THSD7B: variants seen among roughly 807,000 people sequenced by gnomAD.
THSD7B encodes the protein thrombospondin type-1 domain-containing protein 7B.
THSD7B carries 138 observed loss-of-function variants against 213.6 expected under a neutral mutation model. The ratio of observed to expected loss-of-function variants is 0.65; its 90% CI spans 0.56 to 0.74. The LOEUF is 0.74. Ranked by LOEUF, THSD7B falls within the 30% of genes least tolerant of loss-of-function variation. THSD7B has a pLI of 0.00. For synonymous variants in THSD7B, 742 were observed against 687.0 expected, an observed-to-expected ratio of 1.08 and a Z score of -1.25; for missense variants, 1,931 against 1,991.5, an observed-to-expected ratio of 0.97 and a Z score of 0.58.
intron 7 of THSD7B, among the ~76,000 whole-genome samples, chr2:137,181,764 C>T (rs557317709): frequency 1.3e-5 from 2 of 152,176 alleles, no homozygotes; most frequent in South Asian, 4.1e-4. Context: ...AGTCATGTCC[C>T]CTCATCATCA....
At chr2:136,961,585 C>G (rs964350810) in intron 2 of THSD7B, among the ~76,000 whole-genome samples, 1 of 152,146 alleles carries the variant, frequency 6.6e-6, no homozygotes, top group Non-Finnish European at 1.5e-5. Flanking sequence ...CCTGGCTGAG[C>G]TCAGTACCCC....
chr2:137,162,493 G>C (rs914453102), intron 6 of THSD7B, among the ~76,000 whole-genome samples: 3 of 151,938 alleles, frequency 2.0e-5, no homozygotes, highest in African/African-American at 7.3e-5. Flanking sequence ...TTCAAAGACA[G>C]AGAATGGGGA....
rs1166469530 is a variant in THSD7B at position 137,156,207 on chromosome 2, C to G, written c.1370-4006C>G. On this transcript the variant is annotated intron_variant, in intron 5 of 27. Coordinates refer to ENST00000409968, the MANE Select transcript of THSD7B (RefSeq NM_001316349.2). ...TCTGAAGCTGGTAAGTTCTTTGTGA[C>G]TTACTCATGATTTATTTCTAGAACA... 3.9e-5 allele frequency: 6 copies of G among 152,258 alleles called. No homozygotes were observed. In the East Asian group the frequency reaches 1.2e-3, roughly 29 times the overall value. 9.4% of individuals were successfully genotyped at this position (152,258 alleles called of 1,614,324 possible). A position where few individuals can be genotyped will look rare whatever the true frequency, so the allele number is the denominator to read the frequency against.
intron 7 of THSD7B, among the ~76,000 whole-genome samples, chr2:137,203,683 T>C (rs746777527): frequency 6.6e-6 from 1 of 152,058 alleles, no homozygotes; most frequent in African/African-American, 2.4e-5. Context: ...ATTGGGGACT[T>C]CAAAACATCA....
At chr2:137,253,603 T>C (rs1440039845) in intron 10 of THSD7B, among the ~76,000 whole-genome samples, 1 of 152,184 alleles carries the variant, frequency 6.6e-6, no homozygotes, top group Non-Finnish European at 1.5e-5. Flanking sequence ...TATAATATGA[T>C]TCTTATTTGT....
intron 17 of THSD7B, among the ~76,000 whole-genome samples, chr2:137,578,977 T>C (rs1681520482): frequency 6.6e-6 from 1 of 152,182 alleles, no homozygotes. Context: ...AGAAAAATAT[T>C]TGAAGAAATA....
chr2:136,857,092 A>G (rs1353724615), intron 1 of THSD7B, among the ~76,000 whole-genome samples: 1 of 152,220 alleles, frequency 6.6e-6, no homozygotes. Flanking sequence ...TTTCTACAAT[A>G]TCAGGAACAT....
chr2:136,934,113 A>G (rs1035811631), intron 2 of THSD7B, among the ~76,000 whole-genome samples: 2 of 152,206 alleles, frequency 1.3e-5, no homozygotes, highest in African/African-American at 4.8e-5. Flanking sequence ...AAGTTAGAAA[A>G]ATCAATATCT....
At chr2:137,221,499 G>A (rs1681370998) in intron 7 of THSD7B, among the ~76,000 whole-genome samples, 1 of 152,074 alleles carries the variant, frequency 6.6e-6, no homozygotes, top group Admixed American at 6.5e-5. Flanking sequence ...AAAAAGCTAT[G>A]TGTGATGATA....
intron 2 of THSD7B, among the ~76,000 whole-genome samples, chr2:136,957,627 A>T (rs1685149718): frequency 1.3e-5 from 2 of 152,136 alleles, no homozygotes; most frequent in South Asian, 2.1e-4. Flanking sequence ...AAAGCACTCT[A>T]CATAATGCGA....
In THSD7B at chr2:136,977,822, TA is replaced by T. The variant is rs1685508951; in HGVS notation, c.140-78595del. ...CTTTGTTTTTTTTTTTTTTTTTTTT[TA>T]AACGGAGTCTTGCTCTGTCACCCAG... is the stretch of plus-strand genomic sequence containing the variant. On this transcript the variant is annotated intron_variant, in intron 2 of 27. Coordinates refer to ENST00000409968, the MANE Select transcript of THSD7B (RefSeq NM_001316349.2). Among the ~76,000 whole-genome samples the T allele has an allele frequency of 3.7e-5, 5 of 135,676 alleles. No individual in the cohort carries two copies. In the South Asian group the frequency reaches 6.8e-4, roughly 18 times the overall value. 89.0% of individuals were successfully genotyped at this position (135,676 alleles called of 152,430 possible). A position where few individuals can be genotyped will look rare whatever the true frequency, so the allele number is the denominator to read the frequency against.
intron 5 of THSD7B, among the ~76,000 whole-genome samples, chr2:137,153,553 T>A (rs1679855615): frequency 6.6e-6 from 1 of 152,196 alleles, no homozygotes; most frequent in Non-Finnish European, 1.5e-5. Context: ...TGCCTATAAG[T>A]TCTAGGAGAC....
intron 20 of THSD7B, among the ~76,000 whole-genome samples, chr2:137,621,122 C>A (rs1682511706): frequency 6.6e-6 from 1 of 152,150 alleles, no homozygotes; most frequent in African/African-American, 2.4e-5. Context: ...TGCTTTTCAC[C>A]CACATAAAGA....
intron 2 of THSD7B, among the ~76,000 whole-genome samples, chr2:136,980,934 G>C (rs1685566063): frequency 6.6e-6 from 1 of 151,870 alleles, no homozygotes; most frequent in African/African-American, 2.4e-5. Flanking sequence ...CGCTCTCTGG[G>C]GTCTCACCAA....
At chr2:137,273,094 T>C (rs1303146463) in intron 11 of THSD7B, among the ~76,000 whole-genome samples, 1 of 151,646 alleles carries the variant, frequency 6.6e-6, no homozygotes, top group Non-Finnish European at 1.5e-5. Flanking sequence ...CTTCATTCTA[T>C]TGTTCTCATC....
chr2:137,284,575 G>A (rs550010021), intron 12 of THSD7B, among the ~76,000 whole-genome samples: 62 of 152,182 alleles, frequency 4.1e-4, no homozygotes, highest in Non-Finnish European at 6.9e-4. Context: ...CTTTGAATGT[G>A]TCCCAGAGAT....
intron 2 of THSD7B, among the ~76,000 whole-genome samples, chr2:137,005,218 A>G (rs1686080483): frequency 6.6e-6 from 1 of 152,226 alleles, no homozygotes; most frequent in South Asian, 2.1e-4. Context: ...AACTTGTTTT[A>G]CCAATAATTT....
chr2:137,660,531 T>C (rs1683322221), intron 25 of THSD7B, among the ~76,000 whole-genome samples: 1 of 152,174 alleles, frequency 6.6e-6, no homozygotes, highest in Non-Finnish European at 1.5e-5. Context: ...CAGAGGGGAA[T>C]AGAAGGAAAA....
chr2:137,644,721 G>A (rs1682998116), intron 21 of THSD7B, among the ~76,000 whole-genome samples: 1 of 152,068 alleles, frequency 6.6e-6, no homozygotes, highest in Non-Finnish European at 1.5e-5. Flanking sequence ...ACATCTTTCT[G>A]CCGCTGCATT....
Sources: gnomAD v4.1 joint callset for allele counts (sites outside exome capture counted in the v4.1 genomes callset) on GRCh38, gnomAD v4.1.1 for gene constraint, MANE v1.5 for transcripts, NCBI Gene and HGNC (gene_info 2026-07-23, HGNC 2026-07-21) for gene names.